CACNA1A: variants seen among roughly 807,000 people sequenced by gnomAD.
CACNA1A encodes calcium voltage-gated channel subunit alpha1 A.
A neutral mutation model predicts 262.4 loss-of-function variants in CACNA1A; 57 were observed. The observed-to-expected ratio is 0.22, with a 90% CI of 0.18 to 0.27. The LOEUF is 0.27. Among genes scored for constraint, CACNA1A ranks in the 10% least tolerant of loss-of-function variants. The pLI, the probability that CACNA1A is intolerant of heterozygous loss-of-function variation, is 1.00. For missense variants in CACNA1A, 2,526 were observed against 3,562.8 expected (o/e 0.71, Z 7.41); for synonymous variants, 1,431 against 1,419.3 (o/e 1.01, Z -0.18).
At chr19:13,238,748 G>A (rs2055966622) in intron 31 of CACNA1A, among the ~76,000 whole-genome samples, 1 of 152,060 alleles carries the variant, frequency 6.6e-6, no homozygotes, top group African/African-American at 2.4e-5. Context: ...ACCACGCCTG[G>A]CTAATTTTTG....
At chr19:13,249,555 A>C (rs1600168228) in intron 30 of CACNA1A, among the ~76,000 whole-genome samples, 1 of 151,940 alleles carries the variant, frequency 6.6e-6, no homozygotes, top group Non-Finnish European at 1.5e-5. Flanking sequence ...GAATCTCACT[A>C]TGTTGTCCAG....
intron 1 of CACNA1A, among the ~76,000 whole-genome samples, chr19:13,457,853 C>CA (rs775895393): frequency 0.011 from 657 of 58,500 alleles, 6 homozygotes; most frequent in South Asian, 0.042. Flanking sequence ...AACTCCGTTT[C>CA]AAAAAAAAAA....
intron 3 of CACNA1A, among the ~76,000 whole-genome samples, chr19:13,416,940 A>C (rs1208008700): frequency 6.6e-6 from 1 of 152,192 alleles, no homozygotes; most frequent in Non-Finnish European, 1.5e-5. Flanking sequence ...CACAATCAAA[A>C]CAAAACAAAA....
intron 3 of CACNA1A, among the ~76,000 whole-genome samples, chr19:13,385,495 T>C (rs1157407001): frequency 1.3e-5 from 2 of 152,020 alleles, no homozygotes; most frequent in African/African-American, 4.8e-5. Context: ...CCCAAAGTGC[T>C]GGGATTACAG....
In CACNA1A at chr19:13,207,684, G is replaced by C. The variant is rs1292704035; in HGVS notation, c.7150C>G (p.Arg2384Gly). 1 of 1,420,300 alleles carries C rather than the reference G, an allele frequency of 7.0e-7. No individual in the cohort carries two copies. Among genetic ancestry groups the C allele is most frequent in the Non-Finnish European group, 9.2e-7 (1 of 1,086,512 alleles). The allele number at this position is 1,420,300 out of a possible 1,614,324, so 88.0% of individuals were successfully genotyped here. The change falls in exon 47 of 47, where the codon CGA (arginine) becomes GGA (glycine). Residue 2384 changes from arginine (R) to glycine (G), a missense_variant. By Grantham distance (125) the Arg-to-Gly change is moderately radical (BLOSUM62 -2). This residue lies in a region of CACNA1A where 929 missense variants were observed against 868.1 expected (regional missense o/e 1.07). Coordinates refer to ENST00000360228, the MANE Select transcript of CACNA1A (RefSeq NM_001127222.2). This position sits in a 1 kb window ranked among gnomAD's most constrained non-coding sequence, Gnocchi z 5.7. The part of the protein sequence containing the change: ...PARSESPRAC[R>G]HGGARWPASG... ...GCCGGCCACCGGGCCCCGCCGTGTC[G>C]ACAGGCCCTGGGGGACTCGCTCCGG...
intron 46 of CACNA1A, among the ~76,000 whole-genome samples, 175 bp downstream of exon 46, chr19:13,208,581 G>A (rs1203750437): frequency 6.6e-6 from 1 of 152,088 alleles, no homozygotes; most frequent in Non-Finnish European, 1.5e-5. Flanking sequence ...GTGTGGTGGG[G>A]ATCCGTGTCC....
chr19:13,285,195 C>T lies in CACNA1A; in HGVS notation c.3565G>A (p.Ala1189Thr), dbSNP rs1034876149. The T allele has an allele frequency of 3.1e-6, 5 of 1,613,806 alleles. No individual in the cohort carries two copies. Among genetic ancestry groups the T allele is most frequent in the East Asian group, 2.2e-5 (1 of 44,900 alleles). The change falls in exon 21 of 47, where the codon GCC (alanine) becomes ACC (threonine). Residue 1189 changes from alanine (A) to threonine (T), a missense_variant. By Grantham distance (58) the Ala-to-Thr change is moderately conservative (BLOSUM62 0). Coordinates refer to ENST00000360228, the MANE Select transcript of CACNA1A (RefSeq NM_001127222.2). Reference protein sequence around the residue: ...NHTVVQVNKNANPDPLPKKEE... With the variant: ...NHTVVQVNKNTNPDPLPKKEE... ...TTTTTTGGCAGTGGGTCTGGGTTGG[C>T]GTTTTTGTTCACTGTTGGGACAAGA... is the stretch of plus-strand genomic sequence containing the variant.
intron 1 of CACNA1A, among the ~76,000 whole-genome samples, chr19:13,456,051 G>A (rs1019194493): frequency 2.6e-5 from 4 of 151,768 alleles, no homozygotes; most frequent in South Asian, 2.1e-4. Flanking sequence ...TTGGGAGGCC[G>A]GGGCAGGAGA....
At chr19:13,302,172 C>T (rs1446536853) in intron 17 of CACNA1A, among the ~76,000 whole-genome samples, 1 of 152,214 alleles carries the variant, frequency 6.6e-6, no homozygotes, top group East Asian at 1.9e-4. Flanking sequence ...GCAAGTCTCT[C>T]AACCTCTCTG....
At chr19:13,435,381 C>G (rs1163601893) in intron 3 of CACNA1A, among the ~76,000 whole-genome samples, 1 of 151,698 alleles carries the variant, frequency 6.6e-6, no homozygotes, top group African/African-American at 2.4e-5. Context: ...GCTGGGATTA[C>G]AAGCATAAGC....
At chr19:13,344,085 G>A (rs2058719951) in intron 6 of CACNA1A, among the ~76,000 whole-genome samples, 1 of 151,964 alleles carries the variant, frequency 6.6e-6, no homozygotes, top group Non-Finnish European at 1.5e-5. Context: ...GTGGTGCTGT[G>A]CACCAGTAGT....
rs2059425800 is a variant in CACNA1A, at chr19:13,376,855, T to TATGTGATATATATAACAC, written c.540-5077_540-5076insGTGTTATATATATCACAT. Among the ~76,000 whole-genome samples, 5 of 144,234 alleles carry TATGTGATATATATAACAC rather than the reference T, an allele frequency of 3.5e-5. 1 individual carries two copies. Among genetic ancestry groups the TATGTGATATATATAACAC allele is most frequent in the African/African-American group, 1.3e-4 (5 of 38,864 alleles). 94.6% of individuals were successfully genotyped at this position (144,234 alleles called of 152,430 possible). A position where few individuals can be genotyped will look rare whatever the true frequency, so the allele number is the denominator to read the frequency against. On this transcript the variant is annotated intron_variant, in intron 3 of 46. Coordinates refer to ENST00000360228, the MANE Select transcript of CACNA1A (RefSeq NM_001127222.2). ...CATGTTATATGTGATATATAACACA[T>TATGTGATATATATAACAC]ATGTTATATGTGATATATATAACAC...
rs1008005207 is a variant in CACNA1A, at chr19:13,446,428, CGT to C, written c.539+6446_539+6447del. 3.7e-4 allele frequency among the ~76,000 whole-genome samples: 54 copies of C among 145,662 alleles called. 1 individual carries two copies. In the South Asian group the frequency reaches 9.0e-3, roughly 24 times the overall value. ...TGCATGATGTGTGTGTGTGTGCGCG[CGT>C]GTTTTTTCTTTCTTTTTTTTTTTTT... On this transcript the variant is annotated intron_variant, in intron 3 of 46. Transcript: ENST00000360228.
intron 3 of CACNA1A, among the ~76,000 whole-genome samples, chr19:13,431,520 G>A (rs1315420466): frequency 6.6e-6 from 1 of 152,054 alleles, no homozygotes; most frequent in Non-Finnish European, 1.5e-5. Context: ...GGGTGACGGT[G>A]GTCTTTTGGA....
In CACNA1A at chr19:13,308,233, T is replaced by C. The variant is rs754342426; in HGVS notation, c.1800A>G (p.Arg600=). ...AGTTGAGGAGAGAGACGACCAGGTTTCTGAGAGATGCCCAGTACCTGCCGA... is the reference window on the plus strand; with the variant it reads ...AGTTGAGGAGAGAGACGACCAGGTTCCTGAGAGATGCCCAGTACCTGCCGA... ...FKVTKYWASL[R]NLVVSLLNSM... Residue 600 remains arginine, a synonymous_variant, in exon 14 of 47, where the codon AGA becomes AGG. Transcript: ENST00000360228. The surrounding 1 kb of genome is among the most constrained non-coding windows in gnomAD (Gnocchi z 4.2). 1.9e-6 allele frequency: 3 copies of C among 1,613,456 alleles called. No homozygotes were observed. The South Asian group carries it at 3.3e-5, about 18-fold the overall frequency.
intron 6 of CACNA1A, 108 bp downstream of exon 6, chr19:13,359,498 T>A (rs1414184907): frequency 1.2e-6 from 1 of 861,138 alleles, no homozygotes; most frequent in Non-Finnish European, 1.9e-6. Context: ...TTGGGCTGCC[T>A]TTCCCAGCTC....
At chr19:13,445,534 A>C (rs2060794726) in intron 3 of CACNA1A, among the ~76,000 whole-genome samples, 1 of 152,142 alleles carries the variant, frequency 6.6e-6, no homozygotes, top group Non-Finnish European at 1.5e-5. Context: ...TATTATGTGA[A>C]AGGGACAGTG....
Position 13,207,898 on chromosome 19 carries a change from C to T in CACNA1A, c.6936G>A (p.Pro2312=). 7.2e-7 allele frequency: 1 copy of T among 1,381,060 alleles called. No individual in the cohort carries two copies. Among genetic ancestry groups the T allele is most frequent in the Non-Finnish European group, 9.4e-7 (1 of 1,065,040 alleles). The allele number at this position is 1,381,060 out of a possible 1,614,324, so 85.6% of individuals were successfully genotyped here. Residue 2312 remains proline (P), a synonymous_variant, in exon 47 of 47, where the codon CCG becomes CCA. Transcript: ENST00000360228. The surrounding 1 kb of genome is among the most constrained non-coding windows in gnomAD (Gnocchi z 5.7). ...GCTGCTGCTGCTGCTGCTGCTGCTG[C>T]GGGGGCCCCGAGCCGCCGGCCTTAC... is the stretch of plus-strand genomic sequence containing the variant. The part of the protein sequence containing the change: ...VIRKAGGSGP[P]QQQQQQQQQQ...
intron 4 of CACNA1A, among the ~76,000 whole-genome samples, chr19:13,367,294 C>CAAAAAA (rs71168702): frequency 1.5e-5 from 1 of 64,786 alleles, no homozygotes. Flanking sequence ...GACTCTGTCT[C>CAAAAAA]AAAAAAAAAA....
Sources: gnomAD v4.1 joint callset for allele counts (sites outside exome capture counted in the v4.1 genomes callset) on GRCh38, gnomAD v4.1.1 for gene constraint, gnomAD v4.1.1 regional missense constraint, Gnocchi (gnomAD v3.1) non-coding constraint, MANE v1.5 for transcripts, NCBI Gene and HGNC (gene_info 2026-07-23, HGNC 2026-07-21) for gene names.